XRCC2: variants seen among roughly 807,000 people sequenced by gnomAD.
XRCC2 encodes DNA repair protein XRCC2.
XRCC2 carries 24 observed loss-of-function variants against 27.3 expected under a neutral mutation model. That is an observed-to-expected ratio of 0.88 (90% CI 0.64 to 1.24). The LOEUF is 1.24. Ranked by LOEUF, XRCC2 falls within the 50% of genes most tolerant of loss-of-function variation. XRCC2 has a pLI of 0.00. For synonymous variants in XRCC2, 106 were observed against 115.4 expected, an observed-to-expected ratio of 0.92 and a Z score of 0.52; for missense variants, 321 against 325.8, an observed-to-expected ratio of 0.99 and a Z score of 0.11.
At chr7:152,657,462 G>A (rs2098031173) in intron 2 of XRCC2, among the ~76,000 whole-genome samples, 1 of 151,756 alleles carries the variant, frequency 6.6e-6, no homozygotes, top group African/African-American at 2.4e-5. Flanking sequence ...ATCATGCCCA[G>A]CTAATTTTTG....
chr7:152,672,219 A>G (rs2098038471), intron 1 of XRCC2, among the ~76,000 whole-genome samples: 1 of 152,160 alleles, frequency 6.6e-6, no homozygotes, highest in Non-Finnish European at 1.5e-5. Context: ...AATAATTATA[A>G]TGAAGGAACA....
chr7:152,653,283 C>A (rs1244567245), intron 2 of XRCC2, among the ~76,000 whole-genome samples: 2 of 152,060 alleles, frequency 1.3e-5, no homozygotes, highest in African/African-American at 4.8e-5. Flanking sequence ...GTGAGGCTTC[C>A]CCAGCCACAT....
chr7:152,652,721 CCTT>C lies in XRCC2; in HGVS notation c.122-3361_122-3359del, dbSNP rs557074759. ...TCTTCTGAATGTGCTTCATCAGTTACCTTCTTCTCAAGATCCTCTTGAGAGACA... is the reference window on the plus strand; with the variant it reads ...TCTTCTGAATGTGCTTCATCAGTTACCTTCTCAAGATCCTCTTGAGAGACA... On this transcript the variant is annotated intron_variant, in intron 2 of 2. Coordinates refer to ENST00000359321, the MANE Select transcript of XRCC2 (RefSeq NM_005431.2). Among the ~76,000 whole-genome samples, 122 of 152,294 alleles carry C rather than the reference CCTT, an allele frequency of 8.0e-4. 1 individual carries two copies. The highest frequency in any genetic ancestry group is 2.6e-3 in the African/African-American group (110 of 41,572).
intron 1 of XRCC2, among the ~76,000 whole-genome samples, chr7:152,674,534 C>A (rs1273472884): frequency 6.6e-6 from 1 of 151,406 alleles, no homozygotes; most frequent in Non-Finnish European, 1.5e-5. Flanking sequence ...ATCGCTTGAA[C>A]CCGGGAGGCG....
chr7:152,662,393 C>CG (rs2098033501), intron 1 of XRCC2, among the ~76,000 whole-genome samples: 1 of 150,764 alleles, frequency 6.6e-6, no homozygotes, highest in South Asian at 2.1e-4. Context: ...TGCACCATGA[C>CG]GGAAGTCATT....
intron 2 of XRCC2, among the ~76,000 whole-genome samples, chr7:152,651,428 TAAAA>T (rs10628183): frequency 7.5e-4 from 104 of 138,892 alleles, no homozygotes; most frequent in Admixed American, 1.2e-3. Context: ...ACTCTACAAT[TAAAA>T]AAAAAAAAAA....
chr7:152,652,011 A>T (rs533409915), intron 2 of XRCC2, among the ~76,000 whole-genome samples: 84 of 151,444 alleles, frequency 5.5e-4, no homozygotes, highest in African/African-American at 1.7e-3. Flanking sequence ...ACAAAAAATT[A>T]AAAAAAAGAA....
chr7:152,657,948 C>G (rs2098031381), intron 2 of XRCC2, among the ~76,000 whole-genome samples: 2 of 63,630 alleles, frequency 3.1e-5, no homozygotes, highest in African/African-American at 1.2e-4. Flanking sequence ...CAATCATAAA[C>G]TTTTTGTCTT....
intron 1 of XRCC2, among the ~76,000 whole-genome samples, chr7:152,667,084 C>T (rs548986514): frequency 6.6e-6 from 1 of 152,076 alleles, no homozygotes; most frequent in Non-Finnish European, 1.5e-5. Context: ...ATCCTCACCC[C>T]TGAGAAATCC....
In XRCC2 at chr7:152,662,654, G is replaced by A. The variant is rs1423031132; in HGVS notation, c.40-1872C>T. Among the ~76,000 whole-genome samples, 7 of 130,688 alleles carry A rather than the reference G, an allele frequency of 5.4e-5. No homozygotes were observed. The East Asian group carries it at 7.2e-4, about 13-fold the overall frequency. 85.7% of individuals were successfully genotyped at this position (130,688 alleles called of 152,430 possible). A position where few individuals can be genotyped will look rare whatever the true frequency, so the allele number is the denominator to read the frequency against. ...GTGGCGGGATCTCGGCTCACTGCAA[G>A]CTCCGCCTCCCGGGTTCACGCCATT... On this transcript the variant is annotated intron_variant, in intron 1 of 2. Coordinates refer to ENST00000359321, the MANE Select transcript of XRCC2 (RefSeq NM_005431.2).
At chr7:152,659,703 A>G (rs1009694183) in intron 2 of XRCC2, among the ~76,000 whole-genome samples, 1 of 133,418 alleles carries the variant, frequency 7.5e-6, no homozygotes, top group African/African-American at 3.0e-5. Flanking sequence ...TGGTGCAAGT[A>G]AAATGTGAAG....
Position 152,648,318 on chromosome 7 carries a change from A to T in XRCC2, c.*324T>A, listed in dbSNP as rs890986197. 5.5e-6 allele frequency: 1 copy of T among 180,508 alleles called. No individual in the cohort carries two copies. The highest frequency in any genetic ancestry group is 2.4e-5 in the African/African-American group (1 of 42,500). 11.2% of individuals were successfully genotyped at this position (180,508 alleles called of 1,614,324 possible). A position where few individuals can be genotyped will look rare whatever the true frequency, so the allele number is the denominator to read the frequency against. ...GCTACCTGGGAGGCTGAGGTGGAAGAATCACTTGAACCCAAGAGGCAGAGG... is the reference window on the plus strand; with the variant it reads ...GCTACCTGGGAGGCTGAGGTGGAAGTATCACTTGAACCCAAGAGGCAGAGG... On this transcript the variant is annotated 3_prime_UTR_variant, in exon 3 of 3. Coordinates refer to ENST00000359321, the MANE Select transcript of XRCC2 (RefSeq NM_005431.2).
chr7:152,674,747 T>TTTTAAATATATTTATATATAATATATA (rs2098040017), intron 1 of XRCC2, among the ~76,000 whole-genome samples: 2 of 58,156 alleles, frequency 3.4e-5, no homozygotes, highest in East Asian at 5.2e-4. Context: ...ATAAATATAT[T>TTTTAAATATATTTATATATAATATATA]TTTAAATATA....
chr7:152,673,084 C>G (rs1319187927), intron 1 of XRCC2, among the ~76,000 whole-genome samples: 1 of 152,138 alleles, frequency 6.6e-6, no homozygotes, highest in African/African-American at 2.4e-5. Flanking sequence ...CTATTGTAAA[C>G]TGTAGTCAAA....
chr7:152,672,290 ACT>A (rs1399616668), intron 1 of XRCC2, among the ~76,000 whole-genome samples: 1 of 151,998 alleles, frequency 6.6e-6, no homozygotes, highest in Non-Finnish European at 1.5e-5. Context: ...TTATTCTAAA[ACT>A]CTGTGATTAT....
chr7:152,662,329 C>A (rs1225191101), intron 1 of XRCC2, among the ~76,000 whole-genome samples: 8 of 151,902 alleles, frequency 5.3e-5, no homozygotes, highest in Admixed American at 5.3e-4. Context: ...AGAGTTAAAA[C>A]CATACGTGGA....
chr7:152,667,920 C>T (rs560738555), intron 1 of XRCC2, among the ~76,000 whole-genome samples: 3 of 150,728 alleles, frequency 2.0e-5, no homozygotes, highest in South Asian at 2.1e-4. Context: ...CCTAGCTACT[C>T]GGGAGGCTGA....
At chr7:152,669,130 G>C (rs2098037170) in intron 1 of XRCC2, among the ~76,000 whole-genome samples, 1 of 152,120 alleles carries the variant, frequency 6.6e-6, no homozygotes, top group Non-Finnish European at 1.5e-5. Flanking sequence ...TGTCATCCAA[G>C]CACTTTGAGA....
chr7:152,651,548 C>A lies in XRCC2; in HGVS notation c.122-2185G>T, dbSNP rs750522684. Among the ~76,000 whole-genome samples, 128 of 152,210 alleles carry A rather than the reference C, an allele frequency of 8.4e-4. 1 individual carries two copies. The highest frequency in any genetic ancestry group is 1.1e-3 in the Non-Finnish European group (76 of 68,000). On this transcript the variant is annotated intron_variant, in intron 2 of 2. Coordinates refer to ENST00000359321, the MANE Select transcript of XRCC2 (RefSeq NM_005431.2). ...TAGAGGCTGCAGTGAGCCAAGACTG[C>A]ACCAAATTTCCACCATAATCTTACA...
Sources: gnomAD v4.1 joint callset for allele counts (sites outside exome capture counted in the v4.1 genomes callset) on GRCh38, gnomAD v4.1.1 for gene constraint, MANE v1.5 for transcripts, NCBI Gene and HGNC (gene_info 2026-07-23, HGNC 2026-07-21) for gene names.